Variants in VPS13B observed in about 807,000 individuals in gnomAD.
The protein encoded by VPS13B is vacuolar protein sorting 13 homolog B, also known as intermembrane lipid transfer protein VPS13B.
In VPS13B, 285 loss-of-function variants were observed where a neutral mutation model predicts 426.4. The observed-to-expected ratio is 0.67, with a 90% confidence interval of 0.61 to 0.74. The LOEUF is 0.74. VPS13B is among the 30% of genes least tolerant of loss of function. The pLI is 0.00. For synonymous variants in VPS13B, 1,676 were observed against 1,676.4 expected (o/e 1.00, Z 0.01); for missense variants, 4,537 against 4,782.6 (o/e 0.95, Z 1.51).
At chr8:99,506,272 A>C (rs988630789) in intron 27 of VPS13B, among the ~76,000 whole-genome samples, 4 of 152,190 alleles carry the variant, frequency 2.6e-5, no homozygotes, top group African/African-American at 9.6e-5. Context: ...CATATTAAAC[A>C]GTGACTTATT....
chr8:99,221,725 G>C (rs1815734731), intron 17 of VPS13B, among the ~76,000 whole-genome samples: 1 of 152,002 alleles, frequency 6.6e-6, no homozygotes, highest in South Asian at 2.1e-4. Context: ...ATTTATTCAG[G>C]AGTGGAGTCT....
intron 55 of VPS13B, among the ~76,000 whole-genome samples, chr8:99,849,759 A>G (rs1816163388): frequency 1.3e-5 from 2 of 152,200 alleles, no homozygotes; most frequent in African/African-American, 4.8e-5. Flanking sequence ...CCATAGGGAA[A>G]TAGATGATAC....
intron 33 of VPS13B, among the ~76,000 whole-genome samples, chr8:99,579,916 T>C (rs988370323): frequency 6.6e-6 from 1 of 151,928 alleles, no homozygotes; most frequent in African/African-American, 2.4e-5. Flanking sequence ...CAGGCTTGTC[T>C]TGAACTCCCG....
chr8:99,428,610 T>A (rs200839508), intron 21 of VPS13B, among the ~76,000 whole-genome samples: 1 of 152,050 alleles, frequency 6.6e-6, no homozygotes, highest in African/African-American at 2.4e-5. Context: ...GTTAGAATGG[T>A]GATCATTAAA....
chr8:99,507,279 C>A, intron 28 of VPS13B, 76 bp downstream of exon 28: 2 of 1,433,076 alleles, frequency 1.4e-6, no homozygotes, highest in Non-Finnish European at 2.0e-6. Context: ...TAAAATAGGA[C>A]TAATGGTTAC....
At chr8:99,034,890 T>C (rs1842676563) in intron 2 of VPS13B, among the ~76,000 whole-genome samples, 1 of 152,092 alleles carries the variant, frequency 6.6e-6, no homozygotes. Flanking sequence ...GTAACAAACA[T>C]GTGACATAAA....
chr8:99,093,217 T>A (rs370193316), intron 3 of VPS13B, among the ~76,000 whole-genome samples: 1 of 151,946 alleles, frequency 6.6e-6, no homozygotes, highest in Non-Finnish European at 1.5e-5. Context: ...GAACAGCACT[T>A]GAAAAAGAAC....
chr8:99,423,051 T>G (rs1383061768), intron 21 of VPS13B, among the ~76,000 whole-genome samples: 1 of 152,180 alleles, frequency 6.6e-6, no homozygotes. Flanking sequence ...ATTTCCAAAT[T>G]AGCTGTTTCT....
intron 39 of VPS13B, among the ~76,000 whole-genome samples, chr8:99,741,044 T>A (rs1436397666): frequency 6.6e-6 from 1 of 151,838 alleles, no homozygotes; most frequent in East Asian, 1.9e-4. Flanking sequence ...GGATAAAGAG[T>A]CAAGACCCAT....
At chr8:99,461,542 T>A (rs1818833398) in intron 23 of VPS13B, among the ~76,000 whole-genome samples, 1 of 152,124 alleles carries the variant, frequency 6.6e-6, no homozygotes, top group Non-Finnish European at 1.5e-5. Context: ...TAGATAAATT[T>A]TTTTTTACCG....
chr8:99,616,679 G>T (rs1202675337), intron 33 of VPS13B, among the ~76,000 whole-genome samples: 7 of 152,204 alleles, frequency 4.6e-5, no homozygotes, highest in Non-Finnish European at 8.8e-5. Flanking sequence ...TACAAAATTA[G>T]CTGGACGTGG....
chr8:99,446,703 A>C (rs1187676214), intron 23 of VPS13B, among the ~76,000 whole-genome samples: 2 of 152,276 alleles, frequency 1.3e-5, no homozygotes, highest in East Asian at 3.9e-4. Flanking sequence ...TTTCAATGTC[A>C]ACTGTATGAA....
rs1563732597 is a variant in VPS13B at position 99,442,550 on chromosome 8, A to AC, written c.3360_3361insC (p.Ile1121HisfsTer5). The AC allele has an allele frequency of 2.5e-6, 4 of 1,613,994 alleles. No homozygotes were observed. Among genetic ancestry groups the AC allele is most frequent in the Non-Finnish European group, 3.4e-6 (4 of 1,179,910 alleles). On this transcript the variant is annotated frameshift_variant, in exon 23 of 62. Coordinates refer to ENST00000357162, the MANE Select transcript of VPS13B (RefSeq NM_152564.5). LOFTEE classifies it high-confidence loss of function. Reference sequence around the variant, plus strand: ...GAACACTTGTCCTCTGTTTGCCTCAAATAAAGATTATTAGTGCTGGGCACA... The same window carrying AC: ...GAACACTTGTCCTCTGTTTGCCTCAACATAAAGATTATTAGTGCTGGGCACA...
chr8:99,234,321 C>G, intron 17 of VPS13B: 1 of 754,020 alleles, frequency 1.3e-6, no homozygotes, highest in Non-Finnish European at 2.5e-6. Context: ...TCCACTATCC[C>G]GTGTTGAGCC....
At chr8:99,101,908 A>G (rs1846772688) in intron 4 of VPS13B, among the ~76,000 whole-genome samples, 1 of 151,912 alleles carries the variant, frequency 6.6e-6, no homozygotes, top group Admixed American at 6.5e-5. Context: ...TAAAATTTTA[A>G]TTACCTTTTA....
intron 34 of VPS13B, among the ~76,000 whole-genome samples, chr8:99,654,051 TTA>T: frequency 6.6e-6 from 1 of 150,922 alleles, no homozygotes. Flanking sequence ...ATTATTATTA[TTA>T]TATATATTTT....
chr8:99,298,693 A>T (rs558852720), intron 19 of VPS13B, among the ~76,000 whole-genome samples: 1 of 152,298 alleles, frequency 6.6e-6, no homozygotes, highest in South Asian at 2.1e-4. Context: ...CATTATCCCA[A>T]CACTGTTTAA....
At chr8:99,215,776 A>G (rs1386585054) in intron 17 of VPS13B, among the ~76,000 whole-genome samples, 1 of 152,178 alleles carries the variant, frequency 6.6e-6, no homozygotes, top group African/African-American at 2.4e-5. Context: ...GACTCCTAGA[A>G]GGAAAGCGGA....
At chr8:99,657,470 T>TTGTGTGTG (rs34355540) in intron 34 of VPS13B, among the ~76,000 whole-genome samples, 42 of 146,904 alleles carry the variant, frequency 2.9e-4, no homozygotes, top group Admixed American at 1.4e-3. Flanking sequence ...ACTTTAAAAA[T>TTGTGTGTG]TGTGTGTGTG....
Sources: gnomAD v4.1 joint callset for allele counts (sites outside exome capture counted in the v4.1 genomes callset) on GRCh38, gnomAD v4.1.1 for gene constraint, MANE v1.5 for transcripts, NCBI Gene and HGNC (gene_info 2026-07-23, HGNC 2026-07-21) for gene names.